TAF2: variants seen among roughly 807,000 people sequenced by gnomAD.
TAF2 encodes transcription initiation factor TFIID subunit 2.
A neutral mutation model predicts 138.5 loss-of-function variants in TAF2; 61 were observed. The ratio of observed to expected loss-of-function variants is 0.44; its 90% CI spans 0.36 to 0.54. The LOEUF (loss-of-function observed/expected upper bound fraction) is 0.54, where lower values mean the gene tolerates loss of function less well. TAF2 is among the 20% of genes least tolerant of loss of function. TAF2 has a pLI of 0.00. For synonymous variants in TAF2, 475 were observed against 469.9 expected, an observed-to-expected ratio of 1.01 and a Z score of -0.14; for missense variants, 1,090 against 1,427.9, an observed-to-expected ratio of 0.76 and a Z score of 3.81.
intron 22 of TAF2, among the ~76,000 whole-genome samples, chr8:119,755,358 A>G (rs530301168): frequency 7.4e-4 from 113 of 152,182 alleles, no homozygotes; most frequent in African/African-American, 2.6e-3. Flanking sequence ...TTAGCCGGGC[A>G]TGGTGGCACA....
intron 2 of TAF2, 22 bp downstream of exon 2, chr8:119,831,655 T>C (rs372523629): frequency 5.1e-6 from 8 of 1,580,618 alleles, no homozygotes; most frequent in Non-Finnish European, 6.1e-6. Context: ...TTACTATTTA[T>C]AATTGTTGAG....
chr8:119,789,927 GAATAC>G (rs1319306289), intron 11 of TAF2, among the ~76,000 whole-genome samples, 181 bp from the exon 12 acceptor site: 2 of 151,952 alleles, frequency 1.3e-5, no homozygotes, highest in Non-Finnish European at 2.9e-5. Flanking sequence ...TAAGCAGCCA[GAATAC>G]AAAACCATTC....
chr8:119,768,212 G>A (rs918979010), intron 18 of TAF2, among the ~76,000 whole-genome samples: 1 of 152,158 alleles, frequency 6.6e-6, no homozygotes. Context: ...CCCACCACCT[G>A]CGTATTCTGC....
intron 22 of TAF2, among the ~76,000 whole-genome samples, chr8:119,747,181 TTCA>T (rs1820037144): frequency 6.6e-6 from 1 of 152,216 alleles, no homozygotes; most frequent in Non-Finnish European, 1.5e-5. Context: ...TCATTCTCTG[TTCA>T]TCGTGTCTGA....
intron 18 of TAF2, among the ~76,000 whole-genome samples, chr8:119,772,553 G>A (rs1431680892): frequency 6.6e-6 from 1 of 152,044 alleles, no homozygotes; most frequent in African/African-American, 2.4e-5. Context: ...CAACTGTTAG[G>A]TAACATATCA....
chr8:119,777,162 A>C (rs1822308136), intron 18 of TAF2, among the ~76,000 whole-genome samples: 1 of 152,226 alleles, frequency 6.6e-6, no homozygotes, highest in Non-Finnish European at 1.5e-5. Flanking sequence ...TTATATGCAA[A>C]TATTATATAA....
chr8:119,829,724 G>A (rs1044895588), intron 2 of TAF2, among the ~76,000 whole-genome samples: 3 of 151,966 alleles, frequency 2.0e-5, no homozygotes, highest in Non-Finnish European at 4.4e-5. Context: ...ATTCCTCAGG[G>A]ACAACACAGG....
At chr8:119,758,049 T>C (rs1820817518) in intron 21 of TAF2, 24 bp downstream of exon 21, 1 of 1,595,450 alleles carries the variant, frequency 6.3e-7, no homozygotes, top group African/African-American at 1.3e-5. Context: ...CAAAATATCA[T>C]AGCATCATAG....
intron 8 of TAF2, among the ~76,000 whole-genome samples, chr8:119,796,295 T>C (rs1171164887): frequency 6.6e-6 from 1 of 151,950 alleles, no homozygotes; most frequent in Non-Finnish European, 1.5e-5. Flanking sequence ...CTCTGCCCTC[T>C]CCTCTCCACT....
At position 119,783,401 on chromosome 8, in the gene TAF2, C is replaced by G; in HGVS notation, c.2092G>C (p.Ala698Pro). Residue 698 changes from alanine (A) to proline (P), a missense_variant, in exon 16 of 26, where the codon GCT becomes CCT. Transcript: ENST00000378164. ...CTCACCTTTGCAAGACAGAAGCAAG[C>G]TGACATTCTTACTCTGTAGAAACAC... ...EQCFYRVRMS[A>P]CFCLAKIANS... 1 of 1,614,132 alleles carries G rather than the reference C, an allele frequency of 6.2e-7. No individual in the cohort carries two copies. Among genetic ancestry groups the G allele is most frequent in the Non-Finnish European group, 8.5e-7 (1 of 1,180,022 alleles).
chr8:119,811,575 G>A (rs2131234226), intron 3 of TAF2, among the ~76,000 whole-genome samples: 1 of 152,156 alleles, frequency 6.6e-6, no homozygotes, highest in Non-Finnish European at 1.5e-5. Context: ...GGGAGGCCGA[G>A]GCGGGCAGAT....
At chr8:119,814,288 C>A (rs1268963570) in intron 3 of TAF2, among the ~76,000 whole-genome samples, 6 of 152,056 alleles carry the variant, frequency 3.9e-5, no homozygotes, top group African/African-American at 1.4e-4. Context: ...TACTAATAAA[C>A]CAACTGGCAG....
chr8:119,779,765 CTA>C (rs1303491579), intron 17 of TAF2, among the ~76,000 whole-genome samples: 1 of 152,220 alleles, frequency 6.6e-6, no homozygotes, highest in East Asian at 1.9e-4. Flanking sequence ...CCCTCAACAT[CTA>C]TCTTTTCACT....
Position 119,797,695 on chromosome 8 carries a change from T to G in TAF2, c.944A>C (p.Glu315Ala), listed in dbSNP as rs1563894722. 1 of 1,613,416 alleles carries G rather than the reference T, an allele frequency of 6.2e-7. No individual in the cohort carries two copies. Among genetic ancestry groups the G allele is most frequent in the Non-Finnish European group, 8.5e-7 (1 of 1,179,708 alleles). The change falls in exon 7 of 26, where the codon GAA (glutamate) becomes GCA (alanine). Residue 315 changes from glutamate (E) to alanine (A), a missense_variant. Glu to Ala is a moderately radical substitution (Grantham distance 107, BLOSUM62 -1). Coordinates refer to ENST00000378164, the MANE Select transcript of TAF2 (RefSeq NM_003184.4). Reference sequence around the variant, plus strand: ...GCTCATGGAAGCATAAGCAGCCACTTCAACATAAGCCTCATCAATGAAGAC... The same window carrying G: ...GCTCATGGAAGCATAAGCAGCCACTGCAACATAAGCCTCATCAATGAAGAC... ...KTVFIDEAYV[E>A]VAAYASMSIF...
rs557141168 is a variant in TAF2 at position 119,739,331 on chromosome 8, C to T, written c.3337+3203G>A. On this transcript the variant is annotated intron_variant, in intron 25 of 25. Coordinates refer to ENST00000378164, the MANE Select transcript of TAF2 (RefSeq NM_003184.4). The stretch of plus-strand genomic sequence containing the variant: ...CCTATCACCGTGGGAACCATAAAGG[C>T]CATTTCTTTATATCCCCTTCCTTAC... Among the ~76,000 whole-genome samples, 5 of 152,112 alleles carry T rather than the reference C, an allele frequency of 3.3e-5. No individual in the cohort carries two copies. In the South Asian group the frequency reaches 1.0e-3, roughly 32 times the overall value.
In TAF2 at chr8:119,762,366, T is replaced by C. The variant is rs770538495; in HGVS notation, c.2558+49A>G. ...TTTTCTATAACAAAAATAAATTTCT[T>C]TTACAGTTATAAGAACATATAACTT... is the stretch of plus-strand genomic sequence containing the variant. On this transcript the variant is annotated intron_variant, in intron 19 of 25. Transcript: ENST00000378164. 4 of 1,553,328 alleles carry C rather than the reference T, an allele frequency of 2.6e-6. No homozygotes were observed. In the Admixed American group the frequency reaches 5.3e-5, roughly 20 times the overall value.
intron 25 of TAF2, among the ~76,000 whole-genome samples, chr8:119,742,053 T>C (rs755190757): frequency 1.3e-5 from 2 of 152,182 alleles, no homozygotes; most frequent in Non-Finnish European, 2.9e-5. Flanking sequence ...GAATATAGCA[T>C]CAAGTCTTCA....
chr8:119,781,249 AAT>A (rs761672121), intron 16 of TAF2, 56 bp from the exon 17 acceptor site: 14 of 1,599,938 alleles, frequency 8.8e-6, no homozygotes, highest in Non-Finnish European at 1.2e-5. Context: ...CATACTTTAA[AAT>A]AAAACAGCTT....
At chr8:119,803,341 G>A (rs190687895) in intron 5 of TAF2, among the ~76,000 whole-genome samples, 1 of 152,316 alleles carries the variant, frequency 6.6e-6, no homozygotes, top group Admixed American at 6.5e-5. Context: ...GGAATCAAGT[G>A]AGATGATTAT....
Sources: gnomAD v4.1 joint callset for allele counts (sites outside exome capture counted in the v4.1 genomes callset) on GRCh38, gnomAD v4.1.1 for gene constraint, MANE v1.5 for transcripts, NCBI Gene and HGNC (gene_info 2026-07-23, HGNC 2026-07-21) for gene names.